Variants in ALPK2 observed in about 807,000 individuals in gnomAD.
ALPK2 encodes alpha kinase 2, also known as alpha-protein kinase 2.
ALPK2 carries 127 observed loss-of-function variants against 163.1 expected under a neutral mutation model. That is an observed-to-expected ratio of 0.78 (90% CI 0.67 to 0.90). The LOEUF (loss-of-function observed/expected upper bound fraction) is 0.90, where lower values mean the gene tolerates loss of function less well. Among genes scored for constraint, ALPK2 ranks in the 40% least tolerant of loss-of-function variants. The pLI, the probability that ALPK2 is intolerant of heterozygous loss-of-function variation, is 0.00. For missense variants in ALPK2, 2,360 were observed against 2,589.6 expected (o/e 0.91, Z 1.92); for synonymous variants, 953 against 959.1 (o/e 0.99, Z 0.12).
intron 3 of ALPK2, among the ~76,000 whole-genome samples, chr18:58,590,395 G>C (rs999008597): frequency 6.6e-6 from 1 of 152,136 alleles, no homozygotes; most frequent in Admixed American, 6.5e-5. Context: ...CAGGAATGCA[G>C]GGGGAGGGAG....
Position 58,535,745 on chromosome 18 carries a change from T to A in ALPK2, c.4442A>T (p.Gln1481Leu), listed in dbSNP as rs1025177740. Residue 1481 changes from glutamine to leucine, a missense_variant, in exon 5 of 13, where the codon CAA becomes CTA. Physicochemically the swap from Gln to Leu is moderately radical, Grantham distance 113. Transcript: ENST00000361673. ...QEGSMKQEAE[Q>L]IQPEEAKTAI... Reference sequence around the variant, plus strand: ...AGTTTTTGCCTCCTCAGGTTGAATTTGTTCAGCCTCCTGCTTCATACTGCC... The same window carrying A: ...AGTTTTTGCCTCCTCAGGTTGAATTAGTTCAGCCTCCTGCTTCATACTGCC... 1.2e-6 allele frequency: 2 copies of A among 1,614,114 alleles called. No individual in the cohort carries two copies.
chr18:58,554,359 G>C (rs1342399092), intron 4 of ALPK2, among the ~76,000 whole-genome samples: 1 of 152,222 alleles, frequency 6.6e-6, no homozygotes, highest in Non-Finnish European at 1.5e-5. Flanking sequence ...CTGACTGCAG[G>C]GGTTTGGAGA....
intron 5 of ALPK2, among the ~76,000 whole-genome samples, chr18:58,531,679 G>C: frequency 6.8e-6 from 1 of 146,804 alleles, no homozygotes; most frequent in South Asian, 2.2e-4. Flanking sequence ...ACGGGCATGC[G>C]GGCATGGTGG....
At chr18:58,610,894 A>G (rs2052125495) in intron 2 of ALPK2, among the ~76,000 whole-genome samples, 1 of 152,198 alleles carries the variant, frequency 6.6e-6, no homozygotes, top group Admixed American at 6.5e-5. Context: ...CAGGAGTTCA[A>G]GACCAGCCTG....
At chr18:58,523,034 G>A (rs1438988749) in intron 8 of ALPK2, among the ~76,000 whole-genome samples, 8 of 146,358 alleles carry the variant, frequency 5.5e-5, no homozygotes, top group African/African-American at 1.3e-4. Flanking sequence ...TTTAGCATTA[G>A]GTATATCTCC....
At chr18:58,602,719 C>T (rs899741003) in intron 3 of ALPK2, among the ~76,000 whole-genome samples, 1 of 152,140 alleles carries the variant, frequency 6.6e-6, no homozygotes, top group African/African-American at 2.4e-5. Flanking sequence ...GGGCTGCATT[C>T]CCAGGAGGTT....
intron 6 of ALPK2, chr18:58,528,701 T>A (rs2051596376): frequency 4.6e-6 from 1 of 219,266 alleles, no homozygotes; most frequent in African/African-American, 2.4e-5. Flanking sequence ...TTTATCAGAT[T>A]ACTGGGAATT....
At chr18:58,586,553 C>T (rs994813671) in intron 3 of ALPK2, among the ~76,000 whole-genome samples, 2 of 152,152 alleles carry the variant, frequency 1.3e-5, no homozygotes, top group Non-Finnish European at 2.9e-5. Flanking sequence ...GACTCCACAA[C>T]CACAGTGAAA....
intron 2 of ALPK2, among the ~76,000 whole-genome samples, chr18:58,611,457 TA>T (rs1041644259): frequency 3.3e-5 from 5 of 152,126 alleles, no homozygotes; most frequent in African/African-American, 9.7e-5. Context: ...GAGAGCTGCC[TA>T]ACCCAGAACC....
rs186856884 is a variant in ALPK2 at position 58,588,477 on chromosome 18, C to T, written c.228-7929G>A. On this transcript the variant is annotated intron_variant, in intron 3 of 12. Coordinates refer to ENST00000361673, the MANE Select transcript of ALPK2 (RefSeq NM_052947.4). ...ATGTGCAGGTTTCTTACATAGGTAACGTGTGCCATGGTGGTTTTCTGCACC... is the reference window on the plus strand; with the variant it reads ...ATGTGCAGGTTTCTTACATAGGTAATGTGTGCCATGGTGGTTTTCTGCACC... 1.6e-4 allele frequency among the ~76,000 whole-genome samples: 24 copies of T among 152,236 alleles called. No homozygotes were observed. The East Asian group carries it at 2.1e-3, about 13-fold the overall frequency.
rs771971775 is a variant in ALPK2 at position 58,579,328 on chromosome 18, T to C, written c.1448A>G (p.Asn483Ser). ...TACTGATTCATCCATGTTGAGCAGA[T>C]TGTCACTGGCAAATTCCTCTCTTGC... ...HQAREEFASD[N>S]LLNMDESVRE... Residue 483 changes from asparagine to serine, a missense_variant, in exon 4 of 13, where the codon AAT becomes AGT. Asn to Ser is a conservative substitution (Grantham distance 46, BLOSUM62 1). Transcript: ENST00000361673. 9 of 1,614,094 alleles carry C rather than the reference T, an allele frequency of 5.6e-6. No homozygotes were observed. In the African/African-American group the frequency reaches 6.7e-5, roughly 12 times the overall value.
chr18:58,622,865 G>A (rs2052209380), intron 1 of ALPK2, among the ~76,000 whole-genome samples: 1 of 152,152 alleles, frequency 6.6e-6, no homozygotes, highest in Non-Finnish European at 1.5e-5. Context: ...TCCCTCTTGG[G>A]AGAATGTTTA....
chr18:58,559,425 A>G (rs992875725), intron 4 of ALPK2, among the ~76,000 whole-genome samples: 3 of 136,928 alleles, frequency 2.2e-5, no homozygotes, highest in Non-Finnish European at 3.2e-5. Context: ...TGCCCCAGCT[A>G]CAACATCCTT....
intron 10 of ALPK2, among the ~76,000 whole-genome samples, chr18:58,511,123 T>G (rs2051487974): frequency 6.6e-6 from 1 of 152,246 alleles, no homozygotes. Context: ...CAAAGGCCTT[T>G]TCTGCATCTA....
chr18:58,585,613 T>C (rs1178154292), intron 3 of ALPK2, among the ~76,000 whole-genome samples: 1 of 151,930 alleles, frequency 6.6e-6, no homozygotes, highest in Non-Finnish European at 1.5e-5. Context: ...TTAGTTACAA[T>C]GTGGAATCTG....
At chr18:58,555,457 T>C (rs1272852004) in intron 4 of ALPK2, among the ~76,000 whole-genome samples, 1 of 152,222 alleles carries the variant, frequency 6.6e-6, no homozygotes, top group Non-Finnish European at 1.5e-5. Context: ...AGAGCAAAGG[T>C]AAGCACTGAG....
At chr18:58,486,643 A>G (rs956650459) in intron 12 of ALPK2, among the ~76,000 whole-genome samples, 1 of 152,190 alleles carries the variant, frequency 6.6e-6, no homozygotes, top group Non-Finnish European at 1.5e-5. Context: ...ACAGTGTTGA[A>G]CTTCCCTTTC....
At chr18:58,550,503 T>C (rs62096283) in intron 4 of ALPK2, among the ~76,000 whole-genome samples, 1,416 of 6,694 alleles carry the variant, frequency 0.21, 6 homozygotes, top group Middle Eastern at 0.36. Context: ...ATCTATATCA[T>C]ATACAACCCC....
intron 12 of ALPK2, among the ~76,000 whole-genome samples, chr18:58,487,595 CTA>C (rs1411696026): frequency 5.3e-5 from 8 of 152,188 alleles, no homozygotes; most frequent in East Asian, 1.9e-4. Flanking sequence ...AATCTTAACT[CTA>C]TAGAATTTTA....
Sources: gnomAD v4.1 joint callset for allele counts (sites outside exome capture counted in the v4.1 genomes callset) on GRCh38, gnomAD v4.1.1 for gene constraint, MANE v1.5 for transcripts, NCBI Gene and HGNC (gene_info 2026-07-23, HGNC 2026-07-21) for gene names.